Variants in SPOCK1 observed in about 807,000 individuals in gnomAD.
SPOCK1 encodes SPARC (osteonectin), cwcv and kazal like domains proteoglycan 1, also known as testican-1.
A neutral mutation model predicts 55.3 loss-of-function variants in SPOCK1; 23 were observed. The ratio of observed to expected loss-of-function variants is 0.42; its 90% CI spans 0.30 to 0.59. The LOEUF (loss-of-function observed/expected upper bound fraction) is 0.59. SPOCK1 is among the 20% of genes least tolerant of loss of function. The pLI, the probability that SPOCK1 is intolerant of heterozygous loss-of-function variation, is 0.22. For missense variants in SPOCK1, 499 were observed against 552.5 expected, an observed-to-expected ratio of 0.90 and a Z score of 0.97; for synonymous variants, 226 against 221.0, an observed-to-expected ratio of 1.02 and a Z score of -0.20.
At chr5:137,367,809 C>A (rs765580832) in intron 2 of SPOCK1, among the ~76,000 whole-genome samples, 1 of 152,236 alleles carries the variant, frequency 6.6e-6, no homozygotes, top group Admixed American at 6.5e-5. Flanking sequence ...GGGCCAAGTT[C>A]TTGGGATGCT....
At chr5:137,089,405 T>C (rs1420599436) in intron 5 of SPOCK1, among the ~76,000 whole-genome samples, 2 of 152,132 alleles carry the variant, frequency 1.3e-5, no homozygotes, top group East Asian at 3.9e-4. Flanking sequence ...GCCAACATAC[T>C]AACTCACAGG....
At chr5:137,369,807 T>C (rs979874486) in intron 2 of SPOCK1, among the ~76,000 whole-genome samples, 2 of 152,194 alleles carry the variant, frequency 1.3e-5, no homozygotes, top group African/African-American at 4.8e-5. Context: ...GCAAGGTCTC[T>C]GATGTCTCTG....
intron 5 of SPOCK1, among the ~76,000 whole-genome samples, chr5:137,097,657 A>T (rs1444789570): frequency 6.6e-6 from 1 of 152,204 alleles, no homozygotes; most frequent in African/African-American, 2.4e-5. Context: ...TTCACTTCCT[A>T]TTGGAGCCTC....
chr5:137,200,665 TTTTTA>T (rs947940749), intron 3 of SPOCK1, among the ~76,000 whole-genome samples: 6 of 152,224 alleles, frequency 3.9e-5, no homozygotes, highest in African/African-American at 1.4e-4. Flanking sequence ...TTATTTCCAT[TTTTTA>T]TTTTAAGTTC....
chr5:137,058,158 C>A (rs1210391188), intron 6 of SPOCK1, among the ~76,000 whole-genome samples: 1 of 152,106 alleles, frequency 6.6e-6, no homozygotes, highest in Non-Finnish European at 1.5e-5. Flanking sequence ...GTGGGGTGTG[C>A]ACTTTTTCTT....
At chr5:136,980,504 G>T (rs1184054320) in intron 9 of SPOCK1, among the ~76,000 whole-genome samples, 1 of 152,142 alleles carries the variant, frequency 6.6e-6, no homozygotes, top group African/African-American at 2.4e-5. Context: ...TGAACAGGAG[G>T]TAATTGAATC....
chr5:137,491,293 AG>A (rs1162405035), intron 2 of SPOCK1, among the ~76,000 whole-genome samples: 1 of 152,160 alleles, frequency 6.6e-6, no homozygotes, highest in Non-Finnish European at 1.5e-5. Context: ...TGGAATTGCG[AG>A]GGGGGTTGCA....
intron 3 of SPOCK1, among the ~76,000 whole-genome samples, chr5:137,196,971 A>T (rs1348041761): frequency 1.3e-5 from 2 of 152,206 alleles, no homozygotes; most frequent in African/African-American, 2.4e-5. Flanking sequence ...CAAAGAAAAT[A>T]ACCTAGTCAC....
chr5:137,257,397 A>G (rs565951824), intron 3 of SPOCK1, among the ~76,000 whole-genome samples: 1 of 152,176 alleles, frequency 6.6e-6, no homozygotes, highest in Admixed American at 6.5e-5. Context: ...CTTGGATGTG[A>G]TTAGTGCCAT....
intron 6 of SPOCK1, among the ~76,000 whole-genome samples, chr5:137,024,314 A>AGGCGGC (rs71583270): frequency 1.7e-5 from 2 of 119,194 alleles, no homozygotes; most frequent in Non-Finnish European, 3.4e-5. Context: ...ACCAGTTTGA[A>AGGCGGC]GGGGGGGGGG....
chr5:137,323,973 G>C (rs1256730541), intron 2 of SPOCK1, among the ~76,000 whole-genome samples: 2 of 152,084 alleles, frequency 1.3e-5, no homozygotes, highest in Admixed American at 6.5e-5. Context: ...CCACTTCCAA[G>C]TATCTACCCA....
chr5:137,338,840 T>C (rs984169186), intron 2 of SPOCK1, among the ~76,000 whole-genome samples: 1 of 152,232 alleles, frequency 6.6e-6, no homozygotes, highest in African/African-American at 2.4e-5. Context: ...TCTGTTCATA[T>C]CCTTCGCCCA....
chr5:137,314,804 G>A (rs543117609), intron 2 of SPOCK1, among the ~76,000 whole-genome samples: 4 of 152,132 alleles, frequency 2.6e-5, no homozygotes, highest in Non-Finnish European at 5.9e-5. Context: ...CTCATCCTGA[G>A]CTCAGCACCA....
chr5:137,059,069 C>CA (rs1223340384), intron 6 of SPOCK1, among the ~76,000 whole-genome samples: 18 of 95,916 alleles, frequency 1.9e-4, no homozygotes, highest in Non-Finnish European at 3.2e-4. Context: ...CTACCATGTG[C>CA]AAAAAAAAGA....
chr5:136,993,726 G>C (rs1027228458), intron 6 of SPOCK1, among the ~76,000 whole-genome samples: 1 of 152,166 alleles, frequency 6.6e-6, no homozygotes, highest in Non-Finnish European at 1.5e-5. Flanking sequence ...ACACAGATTA[G>C]GGCTCAGAAC....
At chr5:137,378,695 C>CTAAACCAGGT (rs1204975330) in intron 2 of SPOCK1, among the ~76,000 whole-genome samples, 2 of 152,326 alleles carry the variant, frequency 1.3e-5, no homozygotes, top group East Asian at 3.9e-4. Flanking sequence ...ACCAGGCAAA[C>CTAAACCAGGT]ATGCCTGGCC....
At chr5:137,226,801 C>T (rs905477428) in intron 3 of SPOCK1, among the ~76,000 whole-genome samples, 1 of 152,176 alleles carries the variant, frequency 6.6e-6, no homozygotes, top group African/African-American at 2.4e-5. Flanking sequence ...GTATAACTAC[C>T]GTGTGCCCTG....
At chr5:137,359,094 T>C (rs1484066916) in intron 2 of SPOCK1, among the ~76,000 whole-genome samples, 1 of 152,208 alleles carries the variant, frequency 6.6e-6, no homozygotes, top group Non-Finnish European at 1.5e-5. Context: ...AAGACCTATA[T>C]TAGGAGCAAT....
intron 6 of SPOCK1, among the ~76,000 whole-genome samples, chr5:137,012,550 C>T (rs920558253): frequency 6.6e-6 from 1 of 152,130 alleles, no homozygotes; most frequent in Non-Finnish European, 1.5e-5. Flanking sequence ...GGGGAAGTGA[C>T]ATAACCAGTG....
Sources: gnomAD v4.1 joint callset for allele counts (sites outside exome capture counted in the v4.1 genomes callset) on GRCh38, gnomAD v4.1.1 for gene constraint, MANE v1.5 for transcripts, NCBI Gene and HGNC (gene_info 2026-07-23, HGNC 2026-07-21) for gene names.